POLR3C: variants seen among roughly 807,000 people sequenced by gnomAD.
The protein encoded by POLR3C is DNA-directed RNA polymerase III subunit RPC3.
In POLR3C, 44 loss-of-function variants were observed where a neutral mutation model predicts 65.9. That is an observed-to-expected ratio of 0.67 (90% CI 0.52 to 0.86). POLR3C has a LOEUF of 0.86. Among genes scored for constraint, POLR3C ranks in the 40% least tolerant of loss-of-function variants. The pLI, the probability that POLR3C is intolerant of heterozygous loss-of-function variation, is 0.00. For missense variants in POLR3C, 576 were observed against 653.2 expected, an observed-to-expected ratio of 0.88 and a Z score of 1.29; for synonymous variants, 263 against 231.6, an observed-to-expected ratio of 1.14 and a Z score of -1.23.
chr1:145,827,881 T>C (rs1303616685), intron 4 of POLR3C, among the ~76,000 whole-genome samples: 3 of 151,786 alleles, frequency 2.0e-5, no homozygotes, highest in Non-Finnish European at 4.4e-5. Flanking sequence ...TGAGCCAAGA[T>C]TGCACCACTG....
chr1:145,842,271 C>A, intron 14 of POLR3C, 68 bp from the exon 15 acceptor site: 1 of 968,452 alleles, frequency 1.0e-6, no homozygotes, highest in Non-Finnish European at 1.6e-6. Flanking sequence ...CCACACCCAC[C>A]CTAACCTCTA....
At chr1:145,841,645 G>T (rs115878036) in intron 14 of POLR3C, among the ~76,000 whole-genome samples, 151,537 of 152,364 alleles carry the variant, frequency 0.99, 75,359 homozygotes, top group East Asian at 1. Context: ...AACCAACTTT[G>T]GTGTTGTGAT....
intron 7 of POLR3C, among the ~76,000 whole-genome samples, chr1:145,836,047 C>G (rs1651793952): frequency 6.6e-6 from 1 of 150,686 alleles, no homozygotes; most frequent in Non-Finnish European, 1.5e-5. Context: ...TTGGGTGTTT[C>G]TAGTTTTTTA....
intron 5 of POLR3C, among the ~76,000 whole-genome samples, chr1:145,831,903 T>C (rs1553727277): frequency 6.6e-6 from 1 of 151,992 alleles, no homozygotes; most frequent in Non-Finnish European, 1.5e-5. Context: ...TACCCAAGCG[T>C]GGTGGCACGC....
At chr1:145,836,399 C>T in intron 7 of POLR3C, 95 bp from the exon 8 acceptor site, 1 of 774,368 alleles carries the variant, frequency 1.3e-6, no homozygotes, top group Non-Finnish European at 2.3e-6. Flanking sequence ...GGATTACAGG[C>T]CTTAGCCACT....
At position 145,826,483 on chromosome 1, in the gene POLR3C, A is replaced by T. The variant is rs147122834; in HGVS notation, c.177A>T (p.Gln59His). 9 of 1,613,710 alleles carry T rather than the reference A, an allele frequency of 5.6e-6. No homozygotes were observed. Among genetic ancestry groups the T allele is most frequent in the Non-Finnish European group, 2.5e-6 (3 of 1,179,918 alleles). The change falls in exon 3 of 15, where the codon CAA becomes CAT. Residue 59 changes from glutamine (Q) to histidine (H), a missense_variant. Gln to His is a conservative substitution (Grantham distance 24). Transcript: ENST00000334163. ...QVKKALCVLV[Q>H]HNLVSYQVHK... ...AGAAAGCCCTGTGTGTCCTCGTCCA[A>T]CATAACCTGGTGAGTTATCAAGTGC...
At chr1:145,827,761 A>AT (rs1650903156) in intron 4 of POLR3C, among the ~76,000 whole-genome samples, 2 of 145,936 alleles carry the variant, frequency 1.4e-5, no homozygotes, top group African/African-American at 5.3e-5. Context: ...TCCGTCTCAA[A>AT]AAAAAAAAAA....
chr1:145,824,933 C>G (rs1553725357), intron 1 of POLR3C, among the ~76,000 whole-genome samples: 1 of 152,064 alleles, frequency 6.6e-6, no homozygotes, highest in Non-Finnish European at 1.5e-5. Flanking sequence ...CTGTGACAGA[C>G]CGCAAAATCA....
Position 145,844,165 on chromosome 1 carries a change from A to G in POLR3C, c.*1745A>G, listed in dbSNP as rs782294554. On this transcript the variant is annotated 3_prime_UTR_variant, in exon 15 of 15. Coordinates refer to ENST00000334163, the MANE Select transcript of POLR3C (RefSeq NM_006468.8). ...AGCAGTTCCACTACTGGGTATATAT[A>G]TATCTCCAAAAGGAAAGAAATCAAT... 1.3e-5 allele frequency among the ~76,000 whole-genome samples: 2 copies of G among 152,212 alleles called. No individual in the cohort carries two copies. The highest frequency in any genetic ancestry group is 2.9e-5 in the Non-Finnish European group (2 of 68,034).
chr1:145,827,754 G>A (rs1650898428), intron 4 of POLR3C, among the ~76,000 whole-genome samples: 1 of 124,096 alleles, frequency 8.1e-6, no homozygotes, highest in Non-Finnish European at 1.6e-5. Context: ...GCCAGACTCC[G>A]TCTCAAAAAA....
rs1015996808 is a variant in POLR3C, at chr1:145,842,768, C to T, written c.*348C>T. Among the ~76,000 whole-genome samples, 4 of 126,172 alleles carry T rather than the reference C, an allele frequency of 3.2e-5. No homozygotes were observed. The highest frequency in any genetic ancestry group is 5.0e-5 in the Non-Finnish European group (3 of 60,348). The allele number at this position is 126,172 out of a possible 152,430, so 82.8% of individuals were successfully genotyped here. A position where few individuals can be genotyped will look rare whatever the true frequency, so the allele number is the denominator to read the frequency against. ...TAATTTTATTTTCAGATGTCTATGC[C>T]TGTTCTTTATTTTGTTGAGATAGGT... is the stretch of plus-strand genomic sequence containing the variant. On this transcript the variant is annotated 3_prime_UTR_variant, in exon 15 of 15. Transcript: ENST00000334163.
Position 145,838,179 on chromosome 1 carries a change from GCT to G in POLR3C, c.1198_1199del (p.Ser400ArgfsTer53). On this transcript the variant is annotated frameshift_variant, in exon 11 of 15. Coordinates refer to ENST00000334163, the MANE Select transcript of POLR3C (RefSeq NM_006468.8). LOFTEE classifies it high-confidence loss of function. The part of the protein sequence containing the change: ...KEAKDMLYKM[L>X]SENFMSLQEI... ...AGGCAAAGGATATGCTATATAAGAT[GCT>G]CTCAGAAAATTTCATGTCACTCCAG... 1 of 1,613,510 alleles carries G rather than the reference GCT, an allele frequency of 6.2e-7. No individual in the cohort carries two copies. Among genetic ancestry groups the G allele is most frequent in the Non-Finnish European group, 8.5e-7 (1 of 1,179,512 alleles).
chr1:145,837,861 G>T (rs1470408992), intron 10 of POLR3C, among the ~76,000 whole-genome samples, 195 bp from the exon 11 acceptor site: 1 of 152,180 alleles, frequency 6.6e-6, no homozygotes, highest in African/African-American at 2.4e-5. Context: ...TCAGCAGTTG[G>T]TGACTGCCTT....
At chr1:145,824,567 CG>C (rs1386827146) in intron 1 of POLR3C, 198 bp downstream of exon 1, 2 of 1,267,360 alleles carry the variant, frequency 1.6e-6, no homozygotes, top group Non-Finnish European at 2.1e-6. Flanking sequence ...GATACTGAGG[CG>C]GGGTGGGGAC....
At chr1:145,834,935 T>G (rs1262757234) in intron 7 of POLR3C, among the ~76,000 whole-genome samples, 1 of 150,992 alleles carries the variant, frequency 6.6e-6, no homozygotes, top group Non-Finnish European at 1.5e-5. Flanking sequence ...AGGCCAGGAG[T>G]TGAAGACCAA....
intron 1 of POLR3C, 56 bp downstream of exon 1, chr1:145,824,425 T>A: frequency 6.5e-6 from 4 of 615,294 alleles, no homozygotes; most frequent in South Asian, 5.9e-5. Context: ...AGAGACCACG[T>A]CCGAAACGGG....
chr1:145,828,600 A>G, intron 4 of POLR3C, 149 bp from the exon 5 acceptor site: 1 of 603,510 alleles, frequency 1.7e-6, no homozygotes, highest in Non-Finnish European at 3.0e-6. Flanking sequence ...CAGTTACTTG[A>G]GTTTCTTATA....
At position 145,830,511 on chromosome 1, in the gene POLR3C, G is replaced by A. The variant is rs1651212503; in HGVS notation, c.678+1674G>A. On this transcript the variant is annotated intron_variant, in intron 5 of 14. Coordinates refer to ENST00000334163, the MANE Select transcript of POLR3C (RefSeq NM_006468.8). ...CCAAGTTTGTAGCTTAAGAAATCGG[G>A]TTGGCTGGCCAAGCACAGTGGCTCA... Among the ~76,000 whole-genome samples, 3 of 152,206 alleles carry A rather than the reference G, an allele frequency of 2.0e-5. No homozygotes were observed. In the South Asian group the frequency reaches 6.2e-4, roughly 32 times the overall value.
intron 5 of POLR3C, among the ~76,000 whole-genome samples, chr1:145,832,737 A>C (rs782505225): frequency 7.2e-5 from 11 of 152,144 alleles, no homozygotes; most frequent in Non-Finnish European, 1.3e-4. Flanking sequence ...AAATAGAGAG[A>C]GAAAGGCCGG....
Sources: gnomAD v4.1 joint callset for allele counts (sites outside exome capture counted in the v4.1 genomes callset) on GRCh38, gnomAD v4.1.1 for gene constraint, MANE v1.5 for transcripts, NCBI Gene and HGNC (gene_info 2026-07-23, HGNC 2026-07-21) for gene names.